STXBP4: variants seen among roughly 807,000 people sequenced by gnomAD.
STXBP4 encodes the protein syntaxin binding protein 4.
A neutral mutation model predicts 76.1 loss-of-function variants in STXBP4; 55 were observed. That is an observed-to-expected ratio of 0.72 (90% CI 0.58 to 0.91). The LOEUF is 0.91. STXBP4 is among the 40% of genes least tolerant of loss of function. The probability of loss-of-function intolerance (pLI) is 0.00; values close to 1 mark genes in which losing one functional copy is unlikely to be tolerated. For missense variants in STXBP4, 618 were observed against 636.9 expected, an observed-to-expected ratio of 0.97 and a Z score of 0.32; for synonymous variants, 201 against 220.2, an observed-to-expected ratio of 0.91 and a Z score of 0.77.
intron 16 of STXBP4, among the ~76,000 whole-genome samples, chr17:55,132,814 T>A (rs1022563740): frequency 6.6e-6 from 1 of 152,076 alleles, no homozygotes; most frequent in African/African-American, 2.4e-5. Flanking sequence ...GATCACTGAT[T>A]GAACGACACT....
At chr17:55,206,651 G>A in the STXBP4 span, among the ~76,000 whole-genome samples, 1 of 152,024 alleles carries the variant, frequency 6.6e-6, no homozygotes, top group African/African-American at 2.4e-5. Flanking sequence ...GAGGTCAGGA[G>A]TTCAAGACCA....
intron 16 of STXBP4, among the ~76,000 whole-genome samples, chr17:55,086,322 A>G (rs1185537609): frequency 6.6e-6 from 1 of 152,194 alleles, no homozygotes; most frequent in Non-Finnish European, 1.5e-5. Flanking sequence ...ATTTTGATAC[A>G]CATAATATAC....
chr17:54,986,919 T>G (rs965304835), intron 3 of STXBP4, among the ~76,000 whole-genome samples: 3 of 152,228 alleles, frequency 2.0e-5, no homozygotes. Context: ...GCTAGGAAGG[T>G]TGAATGGCAG....
the STXBP4 span, among the ~76,000 whole-genome samples, chr17:55,190,163 A>G: frequency 1.3e-5 from 2 of 152,180 alleles, no homozygotes; most frequent in African/African-American, 4.8e-5. Flanking sequence ...GAATCACTTT[A>G]ATTCTACAAA....
At chr17:55,028,892 G>A (rs549899081) in intron 8 of STXBP4, among the ~76,000 whole-genome samples, 30 of 152,286 alleles carry the variant, frequency 2.0e-4, no homozygotes, top group African/African-American at 6.7e-4. Context: ...CACTACTGGT[G>A]TGCATAAATT....
At chr17:55,035,317 A>C (rs1170890448) in intron 10 of STXBP4, among the ~76,000 whole-genome samples, 1 of 151,914 alleles carries the variant, frequency 6.6e-6, no homozygotes, top group East Asian at 1.9e-4. Flanking sequence ...CAATTCTTTT[A>C]AATGTTACCA....
intron 16 of STXBP4, among the ~76,000 whole-genome samples, chr17:55,094,432 A>G (rs1005978908): frequency 5.9e-5 from 9 of 152,166 alleles, no homozygotes; most frequent in Admixed American, 2.0e-4. Context: ...CTAGGTGGCT[A>G]TTGCAGTGAT....
intron 12 of STXBP4, among the ~76,000 whole-genome samples, chr17:55,053,497 G>A (rs918423312): frequency 2.0e-5 from 3 of 152,096 alleles, no homozygotes; most frequent in African/African-American, 7.2e-5. Context: ...AGAATATATT[G>A]TTTCTCACTC....
At chr17:55,026,951 T>C (rs2078427467) in intron 8 of STXBP4, among the ~76,000 whole-genome samples, 1 of 152,118 alleles carries the variant, frequency 6.6e-6, no homozygotes, top group Non-Finnish European at 1.5e-5. Flanking sequence ...TTCCCATCTC[T>C]ATGTGAAAGT....
At chr17:55,100,208 T>C (rs1370857390) in intron 16 of STXBP4, among the ~76,000 whole-genome samples, 1 of 152,186 alleles carries the variant, frequency 6.6e-6, no homozygotes, top group African/African-American at 2.4e-5. Flanking sequence ...AAAGAGGGTG[T>C]GATTGTTTAA....
Position 55,167,332 on chromosome 17 carries a change from A to T in STXBP4, c.*7421A>T, listed in dbSNP as rs550369669. 2.7e-4 allele frequency: 41 copies of T among 152,354 alleles called. No homozygotes were observed. Among genetic ancestry groups the T allele is most frequent in the African/African-American group, 8.9e-4 (37 of 41,586 alleles). The allele number at this position is 152,354 out of a possible 1,614,324, so 9.4% of individuals were successfully genotyped here. ...GTTTACAAAATAAATTTAAAATGTA[A>T]CATTAACATAAAAAACTCTTTTAGC... On this transcript the variant is annotated 3_prime_UTR_variant, in exon 18 of 18. Transcript: ENST00000376352.
chr17:55,019,560 T>C (rs143925788), intron 8 of STXBP4, among the ~76,000 whole-genome samples: 19 of 152,198 alleles, frequency 1.2e-4, no homozygotes, highest in African/African-American at 4.6e-4. Context: ...AAATTATGAA[T>C]TATTATTATA....
chr17:55,206,216 A>T, the STXBP4 span, among the ~76,000 whole-genome samples: 2 of 152,152 alleles, frequency 1.3e-5, no homozygotes, highest in African/African-American at 2.4e-5. Context: ...GTGTCTGTGT[A>T]TGTGTGTGCA....
At chr17:55,123,993 A>T (rs954120627) in intron 16 of STXBP4, among the ~76,000 whole-genome samples, 1 of 152,196 alleles carries the variant, frequency 6.6e-6, no homozygotes, top group Non-Finnish European at 1.5e-5. Context: ...ATTTCTATTA[A>T]TACCTTTTAT....
rs1036458343 is a variant in STXBP4 at position 55,172,574 on chromosome 17, G to A, written c.*12663G>A. 1.3e-5 allele frequency: 2 copies of A among 152,100 alleles called. No homozygotes were observed. The highest frequency in any genetic ancestry group is 4.8e-5 in the African/African-American group (2 of 41,420). 9.4% of individuals were successfully genotyped at this position (152,100 alleles called of 1,614,324 possible). ...ATAATACTTTTATTTTTCCAAATTT[G>A]AAGACTGTCCCTAAGTCATTTCTTC... On this transcript the variant is annotated 3_prime_UTR_variant, in exon 18 of 18. Coordinates refer to ENST00000376352, the MANE Select transcript of STXBP4 (RefSeq NM_178509.6).
Position 55,072,913 on chromosome 17 carries a change from T to C in STXBP4, c.1025T>C (p.Val342Ala). 1 of 1,604,924 alleles carries C rather than the reference T, an allele frequency of 6.2e-7. No individual in the cohort carries two copies. The highest frequency in any genetic ancestry group is 1.3e-5 in the African/African-American group (1 of 74,622). ...LQNVKQEAKAVVEETRALRSR... is the reference protein window; with the variant it reads ...LQNVKQEAKAAVEETRALRSR... ...TGAAATCTTTAGGAAGCCAAAGCTG[T>C]AGTTGAAGAAACAAGAGCCCTGCGT... Residue 342 changes from valine (V) to alanine (A), a missense_variant, in exon 13 of 18, where the codon GTA (valine) becomes GCA (alanine). Coordinates refer to ENST00000376352, the MANE Select transcript of STXBP4 (RefSeq NM_178509.6).
chr17:54,980,325 C>T (rs934999781), intron 1 of STXBP4, among the ~76,000 whole-genome samples: 5 of 151,934 alleles, frequency 3.3e-5, no homozygotes, highest in African/African-American at 1.2e-4. Flanking sequence ...AAAATAATAC[C>T]TAGGAATTAA....
At chr17:55,033,109 C>T (rs1468581262) in intron 9 of STXBP4, among the ~76,000 whole-genome samples, 3 of 152,134 alleles carry the variant, frequency 2.0e-5, no homozygotes, top group Non-Finnish European at 1.5e-5. Context: ...TGCAGTGACT[C>T]ACACCTGTAA....
At chr17:55,119,900 A>G in intron 16 of STXBP4, among the ~76,000 whole-genome samples, 1 of 152,068 alleles carries the variant, frequency 6.6e-6, no homozygotes, top group East Asian at 1.9e-4. Flanking sequence ...GAATTTTCTA[A>G]CCATATGCAT....
Sources: allele counts gnomAD v4.1 joint callset (sites outside exome capture counted in the v4.1 genomes callset), GRCh38; gene constraint gnomAD v4.1.1; transcripts MANE v1.5; gene names NCBI Gene and HGNC (gene_info 2026-07-23, HGNC 2026-07-21).